KAT2B: variants seen among roughly 807,000 people sequenced by gnomAD.
The protein encoded by KAT2B is histone acetyltransferase KAT2B.
In KAT2B, 36 loss-of-function variants were observed where a neutral mutation model predicts 105.9. The ratio of observed to expected loss-of-function variants is 0.34; its 90% CI spans 0.26 to 0.45. KAT2B has a LOEUF of 0.45. KAT2B is among the 20% of genes least tolerant of loss of function. The probability of loss-of-function intolerance (pLI) is 1.00; values close to 1 mark genes in which losing one functional copy is unlikely to be tolerated. For missense variants in KAT2B, 820 were observed against 1,021.6 expected (o/e 0.80, Z 2.69); for synonymous variants, 397 against 377.9 (o/e 1.05, Z -0.59).
intron 2 of KAT2B, among the ~76,000 whole-genome samples, chr3:20,085,366 A>G (rs1424070253): frequency 6.6e-6 from 1 of 152,204 alleles, no homozygotes; most frequent in Non-Finnish European, 1.5e-5. Flanking sequence ...GACCCAGCAA[A>G]TGTTCTACCT....
intron 8 of KAT2B, among the ~76,000 whole-genome samples, chr3:20,121,732 A>ATGTG (rs3840188): frequency 0.021 from 2,297 of 109,644 alleles, 22 homozygotes; most frequent in East Asian, 0.029. Context: ...ACATATGCAT[A>ATGTG]TGTGTGTGTG....
chr3:20,144,490 T>C (rs985775308), intron 13 of KAT2B, among the ~76,000 whole-genome samples: 2 of 151,526 alleles, frequency 1.3e-5, no homozygotes, highest in East Asian at 1.9e-4. Context: ...GGGGTTTCAC[T>C]GTGTTAGCCA....
intron 6 of KAT2B, 48 bp from the exon 7 acceptor site, chr3:20,114,834 C>T: frequency 4.8e-6 from 5 of 1,042,258 alleles, no homozygotes; most frequent in Non-Finnish European, 5.9e-6. Flanking sequence ...GGCTGTTATC[C>T]TTACAGTAGT....
intron 2 of KAT2B, among the ~76,000 whole-genome samples, chr3:20,079,228 A>G (rs1698476338): frequency 8.2e-6 from 1 of 121,316 alleles, no homozygotes; most frequent in Non-Finnish European, 1.6e-5. Context: ...TTTTTGCCAC[A>G]GAGTCTGGCT....
intron 1 of KAT2B, among the ~76,000 whole-genome samples, chr3:20,063,568 A>G (rs1230288729): frequency 1.7e-4 from 13 of 74,652 alleles, no homozygotes; most frequent in South Asian, 4.6e-4. Flanking sequence ...TTTTTTTGAG[A>G]TGGTTGCTCT....
chr3:20,066,333 T>C (rs976607782), intron 1 of KAT2B, among the ~76,000 whole-genome samples: 1 of 152,210 alleles, frequency 6.6e-6, no homozygotes, highest in South Asian at 2.1e-4. Context: ...TGTCCTTAAC[T>C]GATCACATCT....
chr3:20,109,942 T>G (rs1699090130), intron 5 of KAT2B, among the ~76,000 whole-genome samples: 1 of 152,032 alleles, frequency 6.6e-6, no homozygotes, highest in South Asian at 2.1e-4. Context: ...TAATGAAAGC[T>G]TTTTCTCCAA....
rs562788947 is a variant in KAT2B, at chr3:20,052,868, C to T, written c.303+12088C>T. Among the ~76,000 whole-genome samples the T allele has an allele frequency of 8.5e-5, 13 of 152,074 alleles. No homozygotes were observed. In the South Asian group the frequency reaches 1.9e-3, roughly 22 times the overall value. On this transcript the variant is annotated intron_variant, in intron 1 of 17. Transcript: ENST00000263754. ...GCAGGTGCCTGTAATCCCAGCTATT[C>T]GGGAGGCTGAGGCAGGAGAATCACT...
intron 1 of KAT2B, among the ~76,000 whole-genome samples, chr3:20,054,686 A>G (rs1017453387): frequency 6.6e-6 from 1 of 152,212 alleles, no homozygotes; most frequent in Non-Finnish European, 1.5e-5. Context: ...GTAATATCAT[A>G]GTGATTGATG....
At chr3:20,148,340 T>C in intron 16 of KAT2B, 34 bp downstream of exon 16, 1 of 1,611,112 alleles carries the variant, frequency 6.2e-7, no homozygotes, top group South Asian at 1.1e-5. Flanking sequence ...CATGCAAATA[T>C]TTTGAAATGA....
At chr3:20,044,069 G>GA (rs376427623) in intron 1 of KAT2B, among the ~76,000 whole-genome samples, 19,147 of 137,608 alleles carry the variant, frequency 0.14, 1,584 homozygotes, top group Non-Finnish European at 0.2. Context: ...AATAGAAAAA[G>GA]AAAAAAAAAA....
intron 2 of KAT2B, among the ~76,000 whole-genome samples, chr3:20,092,469 A>G (rs1471439636): frequency 6.6e-6 from 1 of 151,616 alleles, no homozygotes; most frequent in Non-Finnish European, 1.5e-5. Context: ...ACCTCACATG[A>G]TCCACCCACC....
At chr3:20,049,248 A>C (rs1207092037) in intron 1 of KAT2B, among the ~76,000 whole-genome samples, 1 of 152,188 alleles carries the variant, frequency 6.6e-6, no homozygotes, top group African/African-American at 2.4e-5. Flanking sequence ...TGAAGATTAA[A>C]TACTTCAGGA....
At chr3:20,131,175 C>T (rs541711761) in intron 11 of KAT2B, among the ~76,000 whole-genome samples, 5 of 151,852 alleles carry the variant, frequency 3.3e-5, no homozygotes, top group African/African-American at 9.7e-5. Context: ...GCCACCATGC[C>T]CGGCTAATTT....
chr3:20,152,689 T>A lies in KAT2B; in HGVS notation c.*164T>A, dbSNP rs1012225738. 7 of 516,482 alleles carry A rather than the reference T, an allele frequency of 1.4e-5. No individual in the cohort carries two copies. Among genetic ancestry groups the A allele is most frequent in the African/African-American group, 1.1e-4 (6 of 52,924 alleles). The allele number at this position is 516,482 out of a possible 1,614,324, so 32.0% of individuals were successfully genotyped here. A position where few individuals can be genotyped will look rare whatever the true frequency, so the allele number is the denominator to read the frequency against. ...AAACCTCCTTTTAGCTTTTCAGATA[T>A]GTATTTAAATTGAAGTCATAGGACA... On this transcript the variant is annotated 3_prime_UTR_variant, in exon 18 of 18. Transcript: ENST00000263754.
intron 5 of KAT2B, among the ~76,000 whole-genome samples, chr3:20,107,379 T>A (rs1394493918): frequency 6.6e-6 from 1 of 150,786 alleles, no homozygotes. Context: ...CCATTTCAGC[T>A]GGGAGCGGTG....
intron 5 of KAT2B, among the ~76,000 whole-genome samples, chr3:20,109,802 A>G (rs186476663): frequency 6.6e-6 from 1 of 152,318 alleles, no homozygotes; most frequent in African/African-American, 2.4e-5. Flanking sequence ...CACTTAAGAT[A>G]CCCATTTCAG....
chr3:20,104,874 T>A (rs1698971073), intron 5 of KAT2B, among the ~76,000 whole-genome samples: 1 of 120,612 alleles, frequency 8.3e-6, no homozygotes. Flanking sequence ...AAGTATTCTT[T>A]TTTTGTTGTT....
chr3:20,059,469 G>A (rs1698060822), intron 1 of KAT2B, among the ~76,000 whole-genome samples: 1 of 143,394 alleles, frequency 7.0e-6, no homozygotes, highest in African/African-American at 2.6e-5. Flanking sequence ...TGTAATCCCA[G>A]CACTTTGGGA....
Sources: gnomAD v4.1 joint callset for allele counts (sites outside exome capture counted in the v4.1 genomes callset) on GRCh38, gnomAD v4.1.1 for gene constraint, MANE v1.5 for transcripts, NCBI Gene and HGNC (gene_info 2026-07-23, HGNC 2026-07-21) for gene names.